The following SLC9A9 variants were observed in gnomAD, a reference collection of about 807,000 sequenced individuals.
The protein encoded by SLC9A9 is solute carrier family 9 member A9.
SLC9A9 carries 62 observed loss-of-function variants against 77.8 expected under a neutral mutation model. The ratio of observed to expected loss-of-function variants is 0.80; its 90% confidence interval spans 0.65 to 0.98. SLC9A9 has a LOEUF of 0.98. Ranked by LOEUF, SLC9A9 falls within the 50% of genes least tolerant of loss-of-function variation. The probability of loss-of-function intolerance (pLI) is 0.00; values close to 1 mark genes in which losing one functional copy is unlikely to be tolerated. For missense variants in SLC9A9, 775 were observed against 774.9 expected (o/e 1.00, Z 0.00); for synonymous variants, 320 against 283.5 (o/e 1.13, Z -1.29).
At chr3:143,312,728 A>C (rs908982126) in intron 14 of SLC9A9, among the ~76,000 whole-genome samples, 9 of 152,216 alleles carry the variant, frequency 5.9e-5, no homozygotes, top group African/African-American at 2.2e-4. Flanking sequence ...CCACCTGTTC[A>C]TCCTTCAGCA....
chr3:143,617,716 C>G (rs2038130335), intron 6 of SLC9A9, among the ~76,000 whole-genome samples: 1 of 152,184 alleles, frequency 6.6e-6, no homozygotes. Context: ...TTCCCGTTGT[C>G]CTTCCCACTC....
chr3:143,517,005 G>C, intron 9 of SLC9A9: 1 of 686,704 alleles, frequency 1.5e-6, no homozygotes, highest in Non-Finnish European at 2.5e-6. Context: ...TTAATAGTGA[G>C]TTTGAGCAAT....
intron 5 of SLC9A9, among the ~76,000 whole-genome samples, chr3:143,669,664 A>T (rs73152852): frequency 0.1 from 15,514 of 152,226 alleles, 916 homozygotes; most frequent in African/African-American, 0.15. Context: ...GTACTAAAGT[A>T]GAAAACAGTG....
At chr3:143,503,704 C>T (rs1478174062) in intron 9 of SLC9A9, 17 of 378,606 alleles carry the variant, frequency 4.5e-5, no homozygotes, top group African/African-American at 1.3e-4. Context: ...TCTCCCGGAG[C>T]GGCCACCCAT....
chr3:143,726,366 T>G (rs1316456994), intron 4 of SLC9A9, among the ~76,000 whole-genome samples: 1 of 152,092 alleles, frequency 6.6e-6, no homozygotes, highest in African/African-American at 2.4e-5. Context: ...AGGCTCTATA[T>G]TTTGATTGAC....
rs180751135 is a variant in SLC9A9 at position 143,474,591 on chromosome 3, G to T, written c.1316-7401C>A. ...CCTGGAAGAATTGGGGAAGCCCAGG[G>T]GAAGAGCATGTCTGGGTGTATAAGG... On this transcript the variant is annotated intron_variant, in intron 11 of 15. Coordinates refer to ENST00000316549, the MANE Select transcript of SLC9A9 (RefSeq NM_173653.4). 2.6e-5 allele frequency among the ~76,000 whole-genome samples: 4 copies of T among 152,068 alleles called. No individual in the cohort carries two copies. In the East Asian group the frequency reaches 7.8e-4, roughly 30 times the overall value.
chr3:143,592,664 G>A (rs2037671602), intron 6 of SLC9A9, among the ~76,000 whole-genome samples: 1 of 152,164 alleles, frequency 6.6e-6, no homozygotes, highest in Non-Finnish European at 1.5e-5. Context: ...ACACCATGAA[G>A]CATACATTAA....
chr3:143,361,951 C>T (rs370021958), intron 14 of SLC9A9, among the ~76,000 whole-genome samples: 12 of 151,962 alleles, frequency 7.9e-5, no homozygotes, highest in South Asian at 2.1e-4. Flanking sequence ...TCTGATTTAC[C>T]GTGTTCTTTC....
chr3:143,369,315 A>G (rs1287534151), intron 13 of SLC9A9, among the ~76,000 whole-genome samples: 1 of 152,186 alleles, frequency 6.6e-6, no homozygotes, highest in Non-Finnish European at 1.5e-5. Context: ...GCAGGTAGAA[A>G]GTAGAATTGT....
intron 4 of SLC9A9, among the ~76,000 whole-genome samples, chr3:143,752,801 G>T (rs945773863): frequency 6.6e-6 from 1 of 151,804 alleles, no homozygotes; most frequent in Non-Finnish European, 1.5e-5. Flanking sequence ...TGGGAGATAA[G>T]CTTTGCTCCC....
At chr3:143,445,351 C>A (rs1349276371) in intron 12 of SLC9A9, among the ~76,000 whole-genome samples, 1 of 152,190 alleles carries the variant, frequency 6.6e-6, no homozygotes, top group African/African-American at 2.4e-5. Flanking sequence ...TGAGGACAAA[C>A]AACTTATTAC....
At chr3:143,603,151 G>T (rs2037869819) in intron 6 of SLC9A9, among the ~76,000 whole-genome samples, 1 of 152,200 alleles carries the variant, frequency 6.6e-6, no homozygotes, top group South Asian at 2.1e-4. Flanking sequence ...ATTTCTCACT[G>T]ATCAATAACA....
At chr3:143,715,673 C>T (rs917239521) in intron 4 of SLC9A9, among the ~76,000 whole-genome samples, 1 of 152,014 alleles carries the variant, frequency 6.6e-6, no homozygotes, top group African/African-American at 2.4e-5. Flanking sequence ...CAAATGAAAG[C>T]CATGAAAAGA....
At chr3:143,427,140 T>C (rs1001463494) in intron 12 of SLC9A9, among the ~76,000 whole-genome samples, 3 of 152,174 alleles carry the variant, frequency 2.0e-5, no homozygotes, top group Admixed American at 2.0e-4. Context: ...TACTGAGGAA[T>C]GTTTCACTTG....
intron 4 of SLC9A9, among the ~76,000 whole-genome samples, chr3:143,720,429 G>A (rs1050308724): frequency 3.3e-5 from 5 of 152,144 alleles, no homozygotes; most frequent in Non-Finnish European, 5.9e-5. Flanking sequence ...AGGACTATGA[G>A]GCTGGGGCCA....
intron 4 of SLC9A9, among the ~76,000 whole-genome samples, chr3:143,701,704 G>A (rs981047917): frequency 6.6e-6 from 1 of 152,128 alleles, no homozygotes; most frequent in Admixed American, 6.6e-5. Flanking sequence ...AGAGTTATTG[G>A]CCTTAAAGAG....
At chr3:143,390,944 G>A (rs1236656521) in intron 12 of SLC9A9, among the ~76,000 whole-genome samples, 1 of 152,228 alleles carries the variant, frequency 6.6e-6, no homozygotes, top group African/African-American at 2.4e-5. Flanking sequence ...GGTAAACAAA[G>A]CGGCTGGGAA....
At chr3:143,329,327 A>G (rs1338601291) in intron 14 of SLC9A9, among the ~76,000 whole-genome samples, 1 of 152,222 alleles carries the variant, frequency 6.6e-6, no homozygotes, top group African/African-American at 2.4e-5. Flanking sequence ...GTCTGAGACC[A>G]GGGGCTGACC....
intron 14 of SLC9A9, among the ~76,000 whole-genome samples, chr3:143,322,614 C>A (rs2031456805): frequency 6.6e-6 from 1 of 151,204 alleles, no homozygotes. Flanking sequence ...GAAGAGGCAA[C>A]AGGATCTACA....
Sources: allele counts gnomAD v4.1 joint callset (sites outside exome capture counted in the v4.1 genomes callset), GRCh38; gene constraint gnomAD v4.1.1; transcripts MANE v1.5; gene names NCBI Gene and HGNC (gene_info 2026-07-23, HGNC 2026-07-21).